Variants in DOCK10 observed in about 807,000 individuals in gnomAD.
The protein encoded by DOCK10 is dedicator of cytokinesis 10.
DOCK10 carries 145 observed loss-of-function variants against 280.1 expected under a neutral mutation model. The observed-to-expected ratio is 0.52, with a 90% confidence interval of 0.45 to 0.59. DOCK10 has a LOEUF of 0.59. DOCK10 is among the 20% of genes least tolerant of loss of function. The pLI is 0.00. For synonymous variants in DOCK10, 915 were observed against 942.2 expected (o/e 0.97, Z 0.53); for missense variants, 2,368 against 2,651.7 (o/e 0.89, Z 2.35).
In DOCK10 at chr2:224,784,936, G is replaced by A. The variant is rs574843802; in HGVS notation, c.5655+2086C>T. On this transcript the variant is annotated intron_variant, in intron 50 of 55. Transcript: ENST00000258390. ...TTTTTACTTTTTCATTGGAAGGAAT[G>A]CCTGAGGCTTTATAGAGTCATGTCT... is the stretch of plus-strand genomic sequence containing the variant. 4.6e-5 allele frequency among the ~76,000 whole-genome samples: 7 copies of A among 152,222 alleles called. No homozygotes were observed. In the South Asian group the frequency reaches 1.5e-3, roughly 32 times the overall value.
rs1411247926 is a variant in DOCK10 at position 224,992,589 on chromosome 2, C to G, written c.123+49663G>C. Among the ~76,000 whole-genome samples, 3 of 152,220 alleles carry G rather than the reference C, an allele frequency of 2.0e-5. No homozygotes were observed. The East Asian group carries it at 5.8e-4, about 29-fold the overall frequency. On this transcript the variant is annotated intron_variant, in intron 1 of 55. Transcript: ENST00000258390. ...CTTGATAAGATAATGTTTAGCCTCT[C>G]TTTACAACCTCAAATGCAAGATGTG...
intron 29 of DOCK10, 79 bp downstream of exon 29, chr2:224,819,367 G>T: frequency 1.1e-6 from 1 of 904,534 alleles, no homozygotes; most frequent in Non-Finnish European, 1.7e-6. Context: ...ATGGACTTAA[G>T]CAGGTATCCA....
intron 1 of DOCK10, among the ~76,000 whole-genome samples, chr2:225,020,063 A>G (rs1371713709): frequency 6.6e-6 from 1 of 152,206 alleles, no homozygotes; most frequent in Non-Finnish European, 1.5e-5. Context: ...CTTTGTAGAC[A>G]GAACACTTTC....
chr2:224,979,139 G>A (rs1201889700), intron 1 of DOCK10, among the ~76,000 whole-genome samples: 1 of 152,146 alleles, frequency 6.6e-6, no homozygotes, highest in Non-Finnish European at 1.5e-5. Context: ...CAGAGATCCT[G>A]TTACTTCCCT....
intron 1 of DOCK10, among the ~76,000 whole-genome samples, chr2:224,954,496 G>A (rs1193904201): frequency 1.3e-5 from 2 of 151,940 alleles, no homozygotes; most frequent in Non-Finnish European, 2.9e-5. Flanking sequence ...AACTGTCTTC[G>A]AGAAGTCATG....
chr2:224,859,585 A>C (rs1697368459), intron 14 of DOCK10, among the ~76,000 whole-genome samples: 1 of 152,216 alleles, frequency 6.6e-6, no homozygotes, highest in Admixed American at 6.5e-5. Context: ...CACAGTGATG[A>C]GCATCTGTGC....
chr2:224,820,886 G>T (rs944744053), intron 28 of DOCK10, among the ~76,000 whole-genome samples: 13 of 152,176 alleles, frequency 8.5e-5, no homozygotes, highest in African/African-American at 3.1e-4. Flanking sequence ...TTAGTCAGGC[G>T]AATGGGCTAA....
In DOCK10 at chr2:224,832,005, C is replaced by T. The variant is rs369187270; in HGVS notation, c.2965-1393G>A. Among the ~76,000 whole-genome samples, 8 of 152,310 alleles carry T rather than the reference C, an allele frequency of 5.3e-5. No homozygotes were observed. The South Asian group carries it at 1.0e-3, about 20-fold the overall frequency. On this transcript the variant is annotated intron_variant, in intron 26 of 55. Transcript: ENST00000258390. ...GGTGCAGTATGAGAAGAACAAAGCT[C>T]ATCCCAGGATGGGCACCCTTCTTTC...
chr2:225,004,313 C>T (rs771381684), intron 1 of DOCK10, among the ~76,000 whole-genome samples: 4 of 152,178 alleles, frequency 2.6e-5, no homozygotes, highest in East Asian at 1.9e-4. Flanking sequence ...CATATGAAGA[C>T]GAAGGCAGAG....
At chr2:224,811,194 A>G (rs919506370) in intron 31 of DOCK10, among the ~76,000 whole-genome samples, 28 of 152,056 alleles carry the variant, frequency 1.8e-4, no homozygotes, top group African/African-American at 6.5e-4. Flanking sequence ...GTGTGAGATG[A>G]TATCTCATTG....
intron 1 of DOCK10, among the ~76,000 whole-genome samples, chr2:224,955,048 G>A (rs1300642542): frequency 6.6e-6 from 1 of 152,122 alleles, no homozygotes; most frequent in Non-Finnish European, 1.5e-5. Context: ...TTGCTGGCTT[G>A]GAGCCTACTC....
intron 1 of DOCK10, among the ~76,000 whole-genome samples, chr2:224,959,797 C>A (rs1208389156): frequency 1.3e-5 from 2 of 152,226 alleles, no homozygotes; most frequent in Admixed American, 1.3e-4. Flanking sequence ...CACTGGGAAA[C>A]CCTTCCTTTC....
intron 1 of DOCK10, among the ~76,000 whole-genome samples, chr2:225,002,572 G>C (rs931789360): frequency 6.6e-6 from 1 of 152,214 alleles, no homozygotes; most frequent in African/African-American, 2.4e-5. Flanking sequence ...TAACTGATGA[G>C]AATATTTGGA....
chr2:225,009,638 C>CA (rs10639609), intron 1 of DOCK10, among the ~76,000 whole-genome samples: 22,531 of 135,424 alleles, frequency 0.17, 3,326 homozygotes, highest in African/African-American at 0.4. Flanking sequence ...AGCCCTAAGG[C>CA]AAAAAAAAAA....
chr2:224,903,037 G>T (rs1382655833), intron 3 of DOCK10, among the ~76,000 whole-genome samples: 1 of 152,204 alleles, frequency 6.6e-6, no homozygotes, highest in Non-Finnish European at 1.5e-5. Context: ...GGCGGAGCTT[G>T]CAGTGAGCCG....
intron 30 of DOCK10, among the ~76,000 whole-genome samples, 186 bp from the exon 31 acceptor site, chr2:224,814,550 C>A (rs1433604768): frequency 6.6e-6 from 1 of 152,086 alleles, no homozygotes; most frequent in Admixed American, 6.6e-5. Flanking sequence ...GAAACAGAAT[C>A]TGGCTCTGTC....
chr2:225,020,895 G>A (rs985597541), intron 1 of DOCK10, among the ~76,000 whole-genome samples: 2 of 152,170 alleles, frequency 1.3e-5, no homozygotes, highest in African/African-American at 4.8e-5. Flanking sequence ...GTGATAGAGT[G>A]CATATGTGAC....
At chr2:224,799,623 G>A (rs958726129) in intron 41 of DOCK10, among the ~76,000 whole-genome samples, 7 of 152,068 alleles carry the variant, frequency 4.6e-5, no homozygotes, top group South Asian at 2.1e-4. Context: ...TTACCATTTC[G>A]CATTCCCACT....
intron 48 of DOCK10, among the ~76,000 whole-genome samples, chr2:224,788,582 G>A (rs1004960524): frequency 2.0e-5 from 3 of 151,992 alleles, no homozygotes; most frequent in African/African-American, 7.2e-5. Flanking sequence ...TTAATGAGAG[G>A]AGTTCTATTT....
Sources: allele counts gnomAD v4.1 joint callset (sites outside exome capture counted in the v4.1 genomes callset), GRCh38; gene constraint gnomAD v4.1.1; transcripts MANE v1.5; gene names NCBI Gene and HGNC (gene_info 2026-07-23, HGNC 2026-07-21).